ZNF638: variants seen among roughly 807,000 people sequenced by gnomAD.
ZNF638 encodes the protein zinc finger protein 638.
Under a neutral mutation model 195.6 loss-of-function variants are expected in ZNF638, and 46 were observed. The observed-to-expected ratio is 0.24, with a 90% confidence interval of 0.19 to 0.30. The LOEUF is 0.30. Among genes scored for constraint, ZNF638 ranks in the 10% least tolerant of loss-of-function variants. The pLI is 1.00. For synonymous variants in ZNF638, 845 were observed against 772.0 expected, an observed-to-expected ratio of 1.09 and a Z score of -1.57; for missense variants, 2,440 against 2,325.3, an observed-to-expected ratio of 1.05 and a Z score of -1.01.
intron 6 of ZNF638, 118 bp from the exon 7 acceptor site, chr2:71,368,264 A>T (rs1247772038): frequency 6.7e-6 from 6 of 896,004 alleles, no homozygotes; most frequent in Non-Finnish European, 9.4e-6. Context: ...GGTAAAAAAT[A>T]TGGAAAAGAC....
At chr2:71,402,319 C>T (rs990505564) in intron 16 of ZNF638, among the ~76,000 whole-genome samples, 3 of 151,814 alleles carry the variant, frequency 2.0e-5, no homozygotes, top group Non-Finnish European at 4.4e-5. Flanking sequence ...AAGTTCTACT[C>T]AAAATTTTAG....
intron 11 of ZNF638, among the ~76,000 whole-genome samples, chr2:71,398,133 G>A (rs1021768213): frequency 5.9e-5 from 9 of 152,126 alleles, no homozygotes; most frequent in African/African-American, 1.9e-4. Context: ...GCTATTTTAA[G>A]TACAGGTTGA....
intron 1 of ZNF638, among the ~76,000 whole-genome samples, chr2:71,332,404 T>C (rs546940965): frequency 6.6e-6 from 1 of 152,110 alleles, no homozygotes; most frequent in South Asian, 2.1e-4. Context: ...CGTGTTTGTG[T>C]TTGGGGTTGG....
At position 71,426,830 on chromosome 2, in the gene ZNF638, G is replaced by A. The variant is rs1482217628; in HGVS notation, c.4961G>A (p.Cys1654Tyr). ...TLDELIDQDD[C>Y]ISHSEPKDVT... is the part of the protein sequence containing the mutation. ...GATGAATTAATTGACCAAGATGATT[G>A]CATTTCCCACAGTGAACCTAAAGAT... The change falls in exon 24 of 28, where the codon TGC becomes TAC. Residue 1654 changes from cysteine (C) to tyrosine (Y), a missense_variant. Physicochemically the swap from Cys to Tyr is radical, Grantham distance 194 (BLOSUM62 -2). Coordinates refer to ENST00000264447, the MANE Select transcript of ZNF638 (RefSeq NM_014497.5). The A allele has an allele frequency of 6.2e-7, 1 of 1,613,466 alleles. No individual in the cohort carries two copies. The highest frequency in any genetic ancestry group is 8.5e-7 in the Non-Finnish European group (1 of 1,179,590).
At chr2:71,363,924 T>C (rs746600613) in intron 4 of ZNF638, 30 bp from the exon 5 acceptor site, 34 of 1,580,950 alleles carry the variant, frequency 2.2e-5, no homozygotes, top group Non-Finnish European at 2.8e-5. Context: ...AAATTGCTGA[T>C]CACTTTCTTT....
chr2:71,361,094 T>C (rs1405757560), intron 3 of ZNF638, among the ~76,000 whole-genome samples: 1 of 152,158 alleles, frequency 6.6e-6, no homozygotes, highest in Non-Finnish European at 1.5e-5. Flanking sequence ...CCTGAGTAGC[T>C]AGGACCACTG....
At chr2:71,393,482 T>C (rs553780078) in intron 10 of ZNF638, 10 of 717,862 alleles carry the variant, frequency 1.4e-5, no homozygotes, top group South Asian at 7.4e-5. Flanking sequence ...GAAATGATCC[T>C]GCAGGACCCG....
chr2:71,421,229 C>T (rs951521187), intron 21 of ZNF638, among the ~76,000 whole-genome samples: 15 of 152,132 alleles, frequency 9.9e-5, no homozygotes, highest in African/African-American at 3.1e-4. Flanking sequence ...AAGTAATATT[C>T]ATATACCTGC....
intron 8 of ZNF638, chr2:71,379,985 A>C (rs548424458): frequency 3.2e-6 from 1 of 312,844 alleles, no homozygotes; most frequent in Non-Finnish European, 5.9e-6. Context: ...GGCATCCACC[A>C]GGGGTCTTGG....
At position 71,349,063 on chromosome 2, in the gene ZNF638, A is replaced by G. The variant is rs139959335; in HGVS notation, c.109A>G (p.Met37Val). ...PPGPFMRPGS[M>V]GLPRFYPAGR... ...AGGACCATTTATGAGGCCTGGATCTATGGGTCTCCCAAGATTTTACCCAGC... is the reference window on the plus strand; with the variant it reads ...AGGACCATTTATGAGGCCTGGATCTGTGGGTCTCCCAAGATTTTACCCAGC... The change falls in exon 2 of 28, where the codon ATG becomes GTG. Residue 37 changes from methionine (M) to valine (V), a missense_variant. By Grantham distance (21) the Met-to-Val change is conservative. Coordinates refer to ENST00000264447, the MANE Select transcript of ZNF638 (RefSeq NM_014497.5). 1.2e-4 allele frequency: 188 copies of G among 1,614,212 alleles called. 2 individuals carry two copies. In the South Asian group the frequency reaches 1.7e-3, roughly 15 times the overall value.
chr2:71,340,888 T>A (rs1045427133), intron 1 of ZNF638, among the ~76,000 whole-genome samples: 2 of 152,234 alleles, frequency 1.3e-5, no homozygotes, highest in East Asian at 3.8e-4. Context: ...TCAGACGAGA[T>A]AATATTTAAA....
intron 10 of ZNF638, among the ~76,000 whole-genome samples, chr2:71,391,374 A>G (rs1043844553): frequency 6.6e-6 from 1 of 152,210 alleles, no homozygotes; most frequent in African/African-American, 2.4e-5. Context: ...CAGCTTGCCA[A>G]TTTCATTGGA....
chr2:71,395,994 C>G (rs1393799383), intron 10 of ZNF638, 147 bp from the exon 11 acceptor site: 10 of 691,468 alleles, frequency 1.4e-5, no homozygotes, highest in Non-Finnish European at 2.3e-5. Context: ...AGAATTTGCC[C>G]CCATAGTAAT....
chr2:71,381,092 T>C (rs772262124), intron 10 of ZNF638, among the ~76,000 whole-genome samples: 5 of 152,180 alleles, frequency 3.3e-5, no homozygotes, highest in Non-Finnish European at 5.9e-5. Flanking sequence ...CATACAGTTT[T>C]ATAATCCGGG....
intron 10 of ZNF638, among the ~76,000 whole-genome samples, chr2:71,391,523 CAGAGCCAAT>C (rs2079777333): frequency 6.6e-6 from 1 of 152,190 alleles, no homozygotes; most frequent in Admixed American, 6.5e-5. Flanking sequence ...GCAGACCCAA[CAGAGCCAAT>C]ACTTTTGAGT....
chr2:71,406,187 A>C lies in ZNF638; in HGVS notation c.3060A>C (p.Gly1020=), dbSNP rs2080102172. ...FVHLDNLPED[G]LQCVLCVGLQ... ...ATCTTGATAATTTACCGGAAGATGGACTTCAGTGTGTACTTTGTGTTGGAC... is the reference window on the plus strand; with the variant it reads ...ATCTTGATAATTTACCGGAAGATGGCCTTCAGTGTGTACTTTGTGTTGGAC... The change falls in exon 19 of 28, where the codon GGA becomes GGC. Residue 1020 remains glycine, a synonymous_variant. Transcript: ENST00000264447. The C allele has an allele frequency of 6.2e-7, 1 of 1,613,604 alleles. No individual in the cohort carries two copies. The highest frequency in any genetic ancestry group is 1.3e-5 in the African/African-American group (1 of 74,918).
intron 3 of ZNF638, among the ~76,000 whole-genome samples, chr2:71,360,970 A>G (rs988026329): frequency 6.6e-6 from 1 of 152,172 alleles, no homozygotes; most frequent in Non-Finnish European, 1.5e-5. Context: ...CCTAGTGAAC[A>G]GGTCTGAACT....
chr2:71,428,713 T>TTAGCTTTAA, intron 25 of ZNF638, 62 bp downstream of exon 25: 1 of 1,404,980 alleles, frequency 7.1e-7, no homozygotes, highest in Non-Finnish European at 9.9e-7. Flanking sequence ...AGTTGAAGTT[T>TTAGCTTTAA]AAAGATCTAT....
At chr2:71,434,450 A>G (rs892279949) in intron 27 of ZNF638, among the ~76,000 whole-genome samples, 2 of 152,078 alleles carry the variant, frequency 1.3e-5, no homozygotes, top group African/African-American at 4.8e-5. Context: ...AAAGTATTTT[A>G]TTTTTTTCTT....
Sources: allele counts gnomAD v4.1 joint callset (sites outside exome capture counted in the v4.1 genomes callset), GRCh38; gene constraint gnomAD v4.1.1; transcripts MANE v1.5; gene names NCBI Gene and HGNC (gene_info 2026-07-23, HGNC 2026-07-21).